Variants in TUT7 observed in about 807,000 individuals in gnomAD.
TUT7 encodes terminal uridylyl transferase 7.
TUT7 carries 33 observed loss-of-function variants against 165.9 expected under a neutral mutation model. The ratio of observed to expected loss-of-function variants is 0.20; its 90% confidence interval spans 0.15 to 0.27. The LOEUF (loss-of-function observed/expected upper bound fraction) is 0.27. Ranked by LOEUF, TUT7 falls within the 10% of genes least tolerant of loss-of-function variation. TUT7 has a pLI of 1.00. For missense variants in TUT7, 1,338 were observed against 1,762.3 expected, an observed-to-expected ratio of 0.76 and a Z score of 4.31; for synonymous variants, 552 against 608.1, an observed-to-expected ratio of 0.91 and a Z score of 1.36.
intron 17 of TUT7, among the ~76,000 whole-genome samples, chr9:86,313,474 A>G (rs1206140968): frequency 1.3e-5 from 2 of 152,194 alleles, no homozygotes; most frequent in East Asian, 1.9e-4. Flanking sequence ...TGTGATAGGG[A>G]TATGTGAAGA....
chr9:86,319,794 T>TTG lies in TUT7; in HGVS notation c.3029-126_3029-125dup, dbSNP rs1829068285. On this transcript the variant is annotated intron_variant, in intron 14 of 26. Transcript: ENST00000375963. ...CTTAAATTTAAAAATTCCTAAATCA[T>TTG]TGTGTCTTCTCAGTAGATAGCATTA... 7.3e-6 allele frequency: 5 copies of TTG among 683,480 alleles called. No homozygotes were observed. In the South Asian group the frequency reaches 8.9e-5, roughly 12 times the overall value. 42.3% of individuals were successfully genotyped at this position (683,480 alleles called of 1,614,324 possible).
chr9:86,337,268 A>G (rs1830875429), intron 10 of TUT7, 151 bp downstream of exon 10: 1 of 843,708 alleles, frequency 1.2e-6, no homozygotes, highest in East Asian at 2.7e-5. Context: ...TTAGTATTTC[A>G]GCAGTGAAAG....
intron 7 of TUT7, 118 bp downstream of exon 7, chr9:86,340,884 A>C: frequency 1.3e-6 from 1 of 740,846 alleles, no homozygotes. Context: ...TTTGCTTTGG[A>C]TATTACCCAC....
chr9:86,335,282 ATAT>A (rs1411748274), intron 10 of TUT7, among the ~76,000 whole-genome samples: 16 of 152,092 alleles, frequency 1.1e-4, no homozygotes, highest in Non-Finnish European at 1.9e-4. Context: ...TTTTTCTACT[ATAT>A]TACCTGGCAT....
intron 18 of TUT7, 127 bp from the exon 19 acceptor site, chr9:86,310,144 C>A: frequency 1.4e-6 from 1 of 730,522 alleles, no homozygotes. Context: ...GTCATGAACT[C>A]CTGGGCTCAA....
intron 16 of TUT7, among the ~76,000 whole-genome samples, chr9:86,317,480 A>G (rs1377921547): frequency 1.3e-5 from 2 of 152,194 alleles, no homozygotes; most frequent in African/African-American, 2.4e-5. Context: ...CCTACTTCCT[A>G]ATTGTTTTTG....
intron 10 of TUT7, among the ~76,000 whole-genome samples, chr9:86,335,241 T>C (rs1211184651): frequency 6.6e-6 from 1 of 152,248 alleles, no homozygotes; most frequent in East Asian, 1.9e-4. Flanking sequence ...CAGAGATGAG[T>C]CCCAGTGCTG....
At chr9:86,339,415 G>C (rs1831131030) in intron 8 of TUT7, among the ~76,000 whole-genome samples, 1 of 152,146 alleles carries the variant, frequency 6.6e-6, no homozygotes, top group Non-Finnish European at 1.5e-5. Flanking sequence ...CTACTCGGAA[G>C]TCTGAGGCAG....
chr9:86,316,132 G>T (rs1471048495), intron 17 of TUT7, among the ~76,000 whole-genome samples: 3 of 152,162 alleles, frequency 2.0e-5, no homozygotes, highest in African/African-American at 7.2e-5. Context: ...ACAGAAGTTT[G>T]CTGAACTACA....
Position 86,323,028 on chromosome 9 carries a change from C to T in TUT7, c.2722G>A (p.Val908Met), listed in dbSNP as rs139228339. The change falls in exon 13 of 27, where the codon GTG becomes ATG. Residue 908 changes from valine (V) to methionine (M), a missense_variant. By Grantham distance (21) the Val-to-Met change is conservative (BLOSUM62 1). Around this residue, in one of 7 missense-constraint regions of TUT7, gnomAD observed 425 missense variants for 474.9 expected, o/e 0.89. Transcript: ENST00000375963. ...ELGEAAKYED[V>M]KECGKHVERA... ...TCTACATGTTTTCCACATTCTTTCA[C>T]GTCTTCATACTTAGCAGCTTCGCCT... 73 of 1,614,030 alleles carry T rather than the reference C, an allele frequency of 4.5e-5. No individual in the cohort carries two copies. The highest frequency in any genetic ancestry group is 1.4e-4 in the South Asian group (13 of 91,088).
At chr9:86,326,736 C>A (rs1356649441) in intron 11 of TUT7, among the ~76,000 whole-genome samples, 1 of 152,208 alleles carries the variant, frequency 6.6e-6, no homozygotes, top group Non-Finnish European at 1.5e-5. Flanking sequence ...GAAGGTTGCA[C>A]TGCCTGGCAG....
chr9:86,347,546 T>C (rs1040392131), intron 2 of TUT7, among the ~76,000 whole-genome samples: 2 of 152,122 alleles, frequency 1.3e-5, no homozygotes, highest in African/African-American at 2.4e-5. Flanking sequence ...AAAGGAAATA[T>C]AGGACCTCCA....
intron 26 of TUT7, among the ~76,000 whole-genome samples, chr9:86,293,524 G>C (rs1826052170): frequency 6.6e-6 from 1 of 152,044 alleles, no homozygotes; most frequent in Admixed American, 6.6e-5. Flanking sequence ...GTAATAATAG[G>C]AATTCAAGCA....
At chr9:86,293,844 A>C (rs1220775199) in intron 26 of TUT7, among the ~76,000 whole-genome samples, 1 of 152,132 alleles carries the variant, frequency 6.6e-6, no homozygotes, top group Non-Finnish European at 1.5e-5. Flanking sequence ...TCCCAGGTTC[A>C]AGTGATTCTC....
At chr9:86,347,944 T>C (rs1449608549) in intron 2 of TUT7, among the ~76,000 whole-genome samples, 1 of 152,168 alleles carries the variant, frequency 6.6e-6, no homozygotes, top group African/African-American at 2.4e-5. Flanking sequence ...TTAGTTTGCT[T>C]ATCATTATAA....
chr9:86,335,921 T>C (rs1249935416), intron 10 of TUT7, among the ~76,000 whole-genome samples: 1 of 152,104 alleles, frequency 6.6e-6, no homozygotes, highest in Admixed American at 6.6e-5. Flanking sequence ...AAATTCAGTA[T>C]CACTTTAGAG....
intron 26 of TUT7, among the ~76,000 whole-genome samples, chr9:86,297,921 C>CTTTTTTTT (rs59651352): frequency 0.25 from 21,619 of 85,486 alleles, 4,651 homozygotes; most frequent in East Asian, 0.56. Context: ...GCCTGCTCCA[C>CTTTTTTTT]TTTTTTTTTT....
At position 86,339,920 on chromosome 9, in the gene TUT7, T is replaced by C. The variant is rs1831184214; in HGVS notation, c.1208+116A>G. 5.2e-6 allele frequency: 4 copies of C among 767,994 alleles called. No homozygotes were observed. The East Asian group carries it at 7.5e-5, about 14-fold the overall frequency. 47.6% of individuals were successfully genotyped at this position (767,994 alleles called of 1,614,324 possible). ...AGGGAGAATGTTAGTAGGAACCATG[T>C]GTGATAACCAAATAAAAAGCTTATA... On this transcript the variant is annotated intron_variant, in intron 8 of 26. Coordinates refer to ENST00000375963, the MANE Select transcript of TUT7 (RefSeq NM_024617.4).
rs558258412 is a variant in TUT7, at chr9:86,323,500, G to A, written c.2250C>T (p.Asn750=). 5.1e-5 allele frequency: 83 copies of A among 1,614,002 alleles called. No homozygotes were observed. The South Asian group carries it at 6.1e-4, about 12-fold the overall frequency. The change falls in exon 13 of 27, where the codon AAC becomes AAT. Residue 750 remains asparagine, a synonymous_variant. Transcript: ENST00000375963. The part of the protein sequence containing the change: ...KVYHPETGRK[N]EKEKVGRKGK... ...CCTTCCTTCCAACTTTCTCTTTCTC[G>A]TTTTTCCTTCCTGTTTCTGGATGGT...
Sources: gnomAD v4.1 joint callset for allele counts (sites outside exome capture counted in the v4.1 genomes callset) on GRCh38, gnomAD v4.1.1 for gene constraint, gnomAD v4.1.1 regional missense constraint, MANE v1.5 for transcripts, NCBI Gene and HGNC (gene_info 2026-07-23, HGNC 2026-07-21) for gene names.